Variants in PTPRD observed in about 807,000 individuals in gnomAD.
The protein encoded by PTPRD is receptor-type tyrosine-protein phosphatase delta.
In PTPRD, 34 loss-of-function variants were observed where a neutral mutation model predicts 214.5. That is an observed-to-expected ratio of 0.16 (90% confidence interval 0.12 to 0.21). PTPRD has a LOEUF of 0.21. Ranked by LOEUF, PTPRD falls within the 10% of genes least tolerant of loss-of-function variation. The probability of loss-of-function intolerance (pLI) is 1.00; values close to 1 mark genes in which losing one functional copy is unlikely to be tolerated. For missense variants in PTPRD, 2,545 were observed against 2,398.7 expected (o/e 1.06, Z -1.27); for synonymous variants, 1,128 against 845.7 (o/e 1.33, Z -5.79).
rs2138854387 is a variant in PTPRD, at chr9:8,521,296, T to C, written c.942A>G (p.Ile314Met). 8 of 1,613,640 alleles carry C rather than the reference T, an allele frequency of 5.0e-6. No individual in the cohort carries two copies. Among genetic ancestry groups the C allele is most frequent in the Non-Finnish European group, 6.8e-6 (8 of 1,179,696 alleles). The change falls in exon 20 of 46, where the codon ATA (isoleucine) becomes ATG (methionine). Residue 314 changes from isoleucine (I) to methionine (M), a missense_variant. Coordinates refer to ENST00000381196, the MANE Select transcript of PTPRD (RefSeq NM_002839.4). ...GCATACCTTTGACAGTGATCTGTGCTATTGCTTCAATGACACCCAGTGTTG... is the reference window on the plus strand; with the variant it reads ...GCATACCTTTGACAGTGATCTGTGCCATTGCTTCAATGACACCCAGTGTTG... ...AMSTLGVIEA[I>M]AQITVKALPK...
intron 3 of PTPRD, among the ~76,000 whole-genome samples, chr9:10,149,529 G>A (rs576384299): frequency 7.2e-5 from 11 of 152,108 alleles, no homozygotes; most frequent in East Asian, 3.9e-4. Context: ...GCGTGCCTCC[G>A]TCCTCTACCT....
chr9:10,046,447 T>C (rs1176908532), intron 3 of PTPRD, among the ~76,000 whole-genome samples: 1 of 151,854 alleles, frequency 6.6e-6, no homozygotes, highest in East Asian at 1.9e-4. Flanking sequence ...CCAAAACTAA[T>C]CCTGTAATCT....
chr9:8,733,049 A>G (rs2098677203), intron 12 of PTPRD, among the ~76,000 whole-genome samples: 1 of 152,242 alleles, frequency 6.6e-6, no homozygotes. Flanking sequence ...CCAAAAAGCC[A>G]CAGGACAGAT....
intron 11 of PTPRD, 46 bp downstream of exon 11, chr9:9,018,651 A>T (rs1037544988): frequency 1.3e-5 from 2 of 152,188 alleles, no homozygotes; most frequent in African/African-American, 4.8e-5. Flanking sequence ...TAAAATAAAT[A>T]AAATGTGAAA....
chr9:10,594,514 G>A (rs759980224), intron 2 of PTPRD, among the ~76,000 whole-genome samples: 3 of 151,984 alleles, frequency 2.0e-5, no homozygotes. Flanking sequence ...TCTTTGAACT[G>A]CTGATTGCCT....
intron 35 of PTPRD, among the ~76,000 whole-genome samples, chr9:8,406,149 T>C (rs1564586938): frequency 6.6e-6 from 1 of 152,194 alleles, no homozygotes; most frequent in Non-Finnish European, 1.5e-5. Flanking sequence ...AAAACTAATA[T>C]AATTAAGGGA....
chr9:9,474,071 T>C (rs1349881705), intron 8 of PTPRD, among the ~76,000 whole-genome samples: 1 of 152,106 alleles, frequency 6.6e-6, no homozygotes, highest in Non-Finnish European at 1.5e-5. Context: ...TATATTTACT[T>C]CTAGTGGTTT....
At chr9:10,261,742 T>C (rs1309056667) in intron 3 of PTPRD, among the ~76,000 whole-genome samples, 1 of 152,140 alleles carries the variant, frequency 6.6e-6, no homozygotes, top group Non-Finnish European at 1.5e-5. Flanking sequence ...AATGGAATCA[T>C]TCCTTGAACT....
chr9:8,399,279 G>A (rs2091938587), intron 36 of PTPRD, among the ~76,000 whole-genome samples: 1 of 152,082 alleles, frequency 6.6e-6, no homozygotes, highest in South Asian at 2.1e-4. Flanking sequence ...CTAAGTCATA[G>A]GTTCTTCCTA....
intron 27 of PTPRD, among the ~76,000 whole-genome samples, chr9:8,488,553 A>G (rs1204506977): frequency 6.6e-6 from 1 of 152,250 alleles, no homozygotes; most frequent in Non-Finnish European, 1.5e-5. Flanking sequence ...TTCCTCAGGA[A>G]AAATGCATCC....
At chr9:8,570,104 G>A (rs1487734684) in intron 14 of PTPRD, among the ~76,000 whole-genome samples, 3 of 152,068 alleles carry the variant, frequency 2.0e-5, no homozygotes, top group Non-Finnish European at 4.4e-5. Context: ...AGCAGAGATC[G>A]AGTCCATTAG....
chr9:8,765,774 A>G (rs1268914655), intron 11 of PTPRD, among the ~76,000 whole-genome samples: 3 of 152,204 alleles, frequency 2.0e-5, no homozygotes, highest in Admixed American at 2.0e-4. Context: ...TAACTACTAC[A>G]ATTTGTAATC....
At position 8,449,998 on chromosome 9, in the gene PTPRD, C is replaced by T. The variant is rs111918529; in HGVS notation, c.3876-161G>A. Among the ~76,000 whole-genome samples, 118 of 152,176 alleles carry T rather than the reference C, an allele frequency of 7.8e-4. 1 individual carries two copies. Among genetic ancestry groups the T allele is most frequent in the Non-Finnish European group, 2.8e-4 (19 of 68,028 alleles). On this transcript the variant is annotated intron_variant, in intron 33 of 45. Coordinates refer to ENST00000381196, the MANE Select transcript of PTPRD (RefSeq NM_002839.4). Reference sequence around the variant, plus strand: ...ACCCAGTTCGGGTTGCTTTTCCCCCCTGGCCTAATTGTTCTCTCAGGTCTA... The same window carrying T: ...ACCCAGTTCGGGTTGCTTTTCCCCCTTGGCCTAATTGTTCTCTCAGGTCTA...
intron 3 of PTPRD, among the ~76,000 whole-genome samples, chr9:10,046,577 C>T (rs2097401265): frequency 6.6e-6 from 1 of 151,844 alleles, no homozygotes; most frequent in Admixed American, 6.6e-5. Context: ...TCGGATGCTT[C>T]AATGTTTCTC....
intron 10 of PTPRD, among the ~76,000 whole-genome samples, chr9:9,024,785 T>C (rs2099581683): frequency 6.6e-6 from 1 of 151,926 alleles, no homozygotes; most frequent in South Asian, 2.1e-4. Flanking sequence ...TTACTTGTAA[T>C]AACTTTTTAT....
chr9:8,343,992 A>G (rs1855063167), intron 39 of PTPRD, among the ~76,000 whole-genome samples: 1 of 152,096 alleles, frequency 6.6e-6, no homozygotes, highest in African/African-American at 2.4e-5. Flanking sequence ...ATAAAGAGAC[A>G]GGAAAATCAC....
chr9:8,491,989 A>G (rs1359659253), intron 27 of PTPRD, among the ~76,000 whole-genome samples: 1 of 152,136 alleles, frequency 6.6e-6, no homozygotes, highest in African/African-American at 2.4e-5. Flanking sequence ...CTCTTAATTT[A>G]CTCATTCTAC....
chr9:8,580,656 G>A (rs948551038), intron 14 of PTPRD, among the ~76,000 whole-genome samples: 2 of 152,142 alleles, frequency 1.3e-5, no homozygotes, highest in East Asian at 1.9e-4. Context: ...AGTGAGTGAT[G>A]AGTGAGAAAA....
At chr9:10,608,905 CT>C (rs2080201202) in intron 2 of PTPRD, among the ~76,000 whole-genome samples, 1 of 151,960 alleles carries the variant, frequency 6.6e-6, no homozygotes, top group Non-Finnish European at 1.5e-5. Context: ...ATGCCAAATG[CT>C]TTTGACAATC....
Sources: allele counts gnomAD v4.1 joint callset (sites outside exome capture counted in the v4.1 genomes callset), GRCh38; gene constraint gnomAD v4.1.1; transcripts MANE v1.5; gene names NCBI Gene and HGNC (gene_info 2026-07-23, HGNC 2026-07-21).